Variants in NCOA7 observed in about 807,000 individuals in gnomAD.
NCOA7 encodes the protein 140 kDa estrogen receptor-associated protein.
NCOA7 carries 45 observed loss-of-function variants against 104.3 expected under a neutral mutation model. The ratio of observed to expected loss-of-function variants is 0.43; its 90% CI spans 0.34 to 0.55. The LOEUF (loss-of-function observed/expected upper bound fraction) is 0.55. NCOA7 is among the 20% of genes least tolerant of loss of function. The pLI, the probability that NCOA7 is intolerant of heterozygous loss-of-function variation, is 0.02. For missense variants in NCOA7, 1,041 were observed against 1,119.7 expected (o/e 0.93, Z 1.00); for synonymous variants, 398 against 402.3 (o/e 0.99, Z 0.13).
intron 1 of NCOA7, among the ~76,000 whole-genome samples, chr6:125,813,923 A>ATTT (rs3084323): frequency 0.7 from 106,740 of 151,632 alleles, 37,947 homozygotes; most frequent in East Asian, 0.92. Flanking sequence ...CTAATTAAGT[A>ATTT]TTCCTGAGGT....
At chr6:125,897,375 T>C (rs13199116) in intron 10 of NCOA7, among the ~76,000 whole-genome samples, 1 of 152,188 alleles carries the variant, frequency 6.6e-6, no homozygotes, top group African/African-American at 2.4e-5. Flanking sequence ...AGAAAATAGA[T>C]GTTTCATAGT....
intron 2 of NCOA7, among the ~76,000 whole-genome samples, chr6:125,821,912 G>A (rs1341725963): frequency 1.3e-5 from 2 of 152,192 alleles, no homozygotes; most frequent in Non-Finnish European, 2.9e-5. Context: ...GGCATCACGT[G>A]GATGGATCTG....
In NCOA7 at chr6:125,808,173, CCTGCCAGTGGCTTGCACATCCTCATT is replaced by C. The variant is rs765189191; in HGVS notation, c.-64-7112_-64-7087del. On this transcript the variant is annotated intron_variant, in intron 1 of 15. Coordinates refer to ENST00000392477, the MANE Select transcript of NCOA7 (RefSeq NM_181782.5). ...CAGGATTCCCCGAACACCACACATTCCTGCCAGTGGCTTGCACATCCTCATTCTGCCTGATGAGCCTGACCTCTTCT... is the reference window on the plus strand; with the variant it reads ...CAGGATTCCCCGAACACCACACATTCCTGCCTGATGAGCCTGACCTCTTCT... Among the ~76,000 whole-genome samples the C allele has an allele frequency of 1.3e-3, 201 of 152,218 alleles. 2 individuals are homozygous for C. Among genetic ancestry groups the C allele is most frequent in the Non-Finnish European group, 2.5e-3 (167 of 68,040 alleles).
At chr6:125,886,463 G>A (rs1784272492) in intron 8 of NCOA7, among the ~76,000 whole-genome samples, 1 of 152,178 alleles carries the variant, frequency 6.6e-6, no homozygotes, top group African/African-American at 2.4e-5. Context: ...ATAATAGACA[G>A]TACATCTTTA....
At chr6:125,830,735 A>ATGTGTGTTTG (rs779830277) in intron 2 of NCOA7, among the ~76,000 whole-genome samples, 1 of 133,956 alleles carries the variant, frequency 7.5e-6, no homozygotes, top group Non-Finnish European at 1.6e-5. Flanking sequence ...ATATATATAT[A>ATGTGTGTTTG]TATGTGTGTG....
chr6:125,886,245 A>G (rs1784251028), intron 8 of NCOA7, among the ~76,000 whole-genome samples: 2 of 151,350 alleles, frequency 1.3e-5, no homozygotes, highest in African/African-American at 4.9e-5. Context: ...TCCTACAGCC[A>G]TTAGAATCTG....
At chr6:125,838,017 C>G (rs483912) in intron 2 of NCOA7, among the ~76,000 whole-genome samples, 52,082 of 152,058 alleles carry the variant, frequency 0.34, 8,991 homozygotes, top group South Asian at 0.44. Flanking sequence ...AAAGCCCTTC[C>G]TAGTCCTTAA....
intron 11 of NCOA7, among the ~76,000 whole-genome samples, chr6:125,918,185 T>C (rs908714658): frequency 6.6e-6 from 1 of 152,168 alleles, no homozygotes; most frequent in Non-Finnish European, 1.5e-5. Context: ...TACAATCACA[T>C]GGAATGGCAC....
intron 4 of NCOA7, among the ~76,000 whole-genome samples, chr6:125,876,440 G>T (rs1283621685): frequency 6.6e-6 from 1 of 152,006 alleles, no homozygotes; most frequent in East Asian, 1.9e-4. Flanking sequence ...AGAAGTATTG[G>T]ACTCAATTAT....
At chr6:125,798,227 T>C (rs1319351444) in intron 1 of NCOA7, 1 of 152,226 alleles carries the variant, frequency 6.6e-6, no homozygotes, top group Admixed American at 6.5e-5. Context: ...TCTGAGAGGC[T>C]ACTGATATAG....
At position 125,913,547 on chromosome 6, in the gene NCOA7, A is replaced by G. The variant is rs1786781254; in HGVS notation, c.2097-1786A>G. ...AACCATCATACCCATGTACAATCATAGTATCTATCAATATCTATATTTACT... is the reference window on the plus strand; with the variant it reads ...AACCATCATACCCATGTACAATCATGGTATCTATCAATATCTATATTTACT... On this transcript the variant is annotated intron_variant, in intron 10 of 15. Coordinates refer to ENST00000392477, the MANE Select transcript of NCOA7 (RefSeq NM_181782.5). 5.0e-6 allele frequency: 3 copies of G among 605,944 alleles called. 1 individual carries two copies. The South Asian group carries it at 2.2e-4, about 44-fold the overall frequency. 37.5% of individuals were successfully genotyped at this position (605,944 alleles called of 1,614,324 possible).
intron 11 of NCOA7, among the ~76,000 whole-genome samples, chr6:125,917,121 G>A (rs1456451677): frequency 2.0e-5 from 3 of 151,946 alleles, no homozygotes; most frequent in African/African-American, 7.3e-5. Flanking sequence ...ATAACTACCT[G>A]GGAATTTTAA....
chr6:125,840,722 C>T (rs1047046484), intron 2 of NCOA7, among the ~76,000 whole-genome samples: 2 of 150,566 alleles, frequency 1.3e-5, no homozygotes, highest in African/African-American at 2.5e-5. Context: ...TCTTTCTAGG[C>T]TGGTCTTGAA....
rs536871064 is a variant in NCOA7, at chr6:125,784,029, T to C, written c.-141-2108T>C. 7.2e-5 allele frequency among the ~76,000 whole-genome samples: 11 copies of C among 152,338 alleles called. No individual in the cohort carries two copies. The East Asian group carries it at 2.1e-3, about 29-fold the overall frequency. On this transcript the variant is annotated intron_variant, in intron 1 of 16. Transcript: ENST00000368357. The stretch of plus-strand genomic sequence containing the variant: ...CAAAAATAACCTTGGAACAACATAA[T>C]TTAACATTTAATTTTTATTAACTTG...
At chr6:125,868,023 T>C (rs1782581790) in intron 3 of NCOA7, among the ~76,000 whole-genome samples, 1 of 152,214 alleles carries the variant, frequency 6.6e-6, no homozygotes, top group African/African-American at 2.4e-5. Context: ...ATATACTCTT[T>C]AGCGTTGCAT....
chr6:125,847,825 G>A (rs578201650), intron 2 of NCOA7, among the ~76,000 whole-genome samples: 1 of 152,174 alleles, frequency 6.6e-6, no homozygotes, highest in Non-Finnish European at 1.5e-5. Flanking sequence ...AAACTAAAGA[G>A]CTTCTGCACA....
chr6:125,899,425 T>C (rs944695813), intron 10 of NCOA7, among the ~76,000 whole-genome samples: 1 of 152,214 alleles, frequency 6.6e-6, no homozygotes, highest in African/African-American at 2.4e-5. Context: ...TTTTTAGTAC[T>C]GTACTTGCTG....
chr6:125,782,530 T>C (rs937655113), intron 1 of NCOA7, among the ~76,000 whole-genome samples: 2 of 152,232 alleles, frequency 1.3e-5, no homozygotes, highest in African/African-American at 4.8e-5. Context: ...TCTTGGATTA[T>C]ACCTTGCATT....
In NCOA7 at chr6:125,916,843, A is replaced by G. The variant is rs1787130275; in HGVS notation, c.2244+1363A>G. Among the ~76,000 whole-genome samples, 6 of 152,344 alleles carry G rather than the reference A, an allele frequency of 3.9e-5. No homozygotes were observed. In the South Asian group the frequency reaches 1.2e-3, roughly 32 times the overall value. On this transcript the variant is annotated intron_variant, in intron 11 of 15. Coordinates refer to ENST00000392477, the MANE Select transcript of NCOA7 (RefSeq NM_181782.5). The stretch of plus-strand genomic sequence containing the variant: ...TCTGAATTCATCTGTGTCCATGTAT[A>G]AGTGGCCCTGCAATACTAATTTAAA...
Sources: allele counts gnomAD v4.1 joint callset (sites outside exome capture counted in the v4.1 genomes callset), GRCh38; gene constraint gnomAD v4.1.1; transcripts MANE v1.5; gene names NCBI Gene and HGNC (gene_info 2026-07-23, HGNC 2026-07-21).